KDM7A: variants seen among roughly 807,000 people sequenced by gnomAD.
KDM7A encodes the protein lysine demethylase 7A.
In KDM7A, 28 loss-of-function variants were observed where a neutral mutation model predicts 114.8. The observed-to-expected ratio is 0.24, with a 90% confidence interval of 0.18 to 0.33. KDM7A has a LOEUF of 0.33. KDM7A is among the 10% of genes least tolerant of loss of function. KDM7A has a pLI of 1.00. For missense variants in KDM7A, 942 were observed against 1,142.5 expected (o/e 0.82, Z 2.53); for synonymous variants, 423 against 397.8 (o/e 1.06, Z -0.75).
intron 1 of KDM7A, among the ~76,000 whole-genome samples, chr7:140,142,951 G>A (rs1448831254): frequency 6.6e-6 from 1 of 151,794 alleles, no homozygotes; most frequent in Admixed American, 6.6e-5. Context: ...GTTAATCAAG[G>A]CGGGCGGATC....
At chr7:140,132,682 G>T (rs895499054) in intron 3 of KDM7A, among the ~76,000 whole-genome samples, 5 of 152,204 alleles carry the variant, frequency 3.3e-5, no homozygotes, top group African/African-American at 9.6e-5. Context: ...TTAAATATGT[G>T]TTCTTTCTGT....
chr7:140,157,996 AATAAT>A (rs533418022), intron 1 of KDM7A, among the ~76,000 whole-genome samples: 603 of 67,480 alleles, frequency 8.9e-3, no homozygotes, highest in African/African-American at 0.041. Flanking sequence ...ATAAATAAAT[AATAAT>A]AATAATAATA....
chr7:140,106,774 G>A (rs1818344251), intron 11 of KDM7A, among the ~76,000 whole-genome samples: 1 of 152,194 alleles, frequency 6.6e-6, no homozygotes, highest in African/African-American at 2.4e-5. Context: ...TTGATTTGGG[G>A]TGGAGAGTTC....
At chr7:140,102,624 C>T (rs759413424) in intron 11 of KDM7A, among the ~76,000 whole-genome samples, 1 of 152,152 alleles carries the variant, frequency 6.6e-6, no homozygotes, top group South Asian at 2.1e-4. Context: ...CCACCTGCTT[C>T]GGCCTCCCAA....
Position 140,098,785 on chromosome 7 carries a change from T to A in KDM7A, c.1918+94A>T, listed in dbSNP as rs1238143332. On this transcript the variant is annotated intron_variant, in intron 14 of 19. Coordinates refer to ENST00000397560, the MANE Select transcript of KDM7A (RefSeq NM_030647.2). ...TAGGGACACAAAAGTTTTCTGCTAT[T>A]TTAAACTTAAGAACTTCAAAATTAG... 5.3e-6 allele frequency: 6 copies of A among 1,141,082 alleles called. No individual in the cohort carries two copies. In the South Asian group the frequency reaches 6.9e-5, roughly 13 times the overall value. The allele number at this position is 1,141,082 out of a possible 1,614,324, so 70.7% of individuals were successfully genotyped here.
chr7:140,110,664 C>T (rs1272999355), intron 11 of KDM7A, among the ~76,000 whole-genome samples: 1 of 152,048 alleles, frequency 6.6e-6, no homozygotes, highest in Non-Finnish European at 1.5e-5. Flanking sequence ...AGGGCATTTA[C>T]CTAAGCATCT....
chr7:140,149,181 G>C (rs1794373186), intron 1 of KDM7A, among the ~76,000 whole-genome samples: 1 of 152,292 alleles, frequency 6.6e-6, no homozygotes, highest in African/African-American at 2.4e-5. Flanking sequence ...GAAGAGCCAA[G>C]ATGTGCACTC....
Position 140,129,476 on chromosome 7 carries a change from A to G in KDM7A, c.559+17T>C, listed in dbSNP as rs556332906. ...TTACCATGTTTTCCCAGGTACTTAA[A>G]GAAATAAAGTTCGTACCTACATAAC... is the stretch of plus-strand genomic sequence containing the variant. On this transcript the variant is annotated intron_variant, in intron 4 of 19. Transcript: ENST00000397560. 4 of 1,598,356 alleles carry G rather than the reference A, an allele frequency of 2.5e-6. No individual in the cohort carries two copies. The South Asian group carries it at 4.5e-5, about 18-fold the overall frequency.
At chr7:140,169,318 C>G (rs540280943) in intron 1 of KDM7A, among the ~76,000 whole-genome samples, 2 of 152,268 alleles carry the variant, frequency 1.3e-5, no homozygotes, top group East Asian at 3.9e-4. Context: ...CAAATTATCT[C>G]AAAATTTAAA....
At chr7:140,104,051 C>G (rs1444700060) in intron 11 of KDM7A, among the ~76,000 whole-genome samples, 1 of 152,206 alleles carries the variant, frequency 6.6e-6, no homozygotes, top group East Asian at 1.9e-4. Flanking sequence ...TTGCGTTTCT[C>G]TGATGGCCAG....
chr7:140,176,350 C>CGGCGG lies in KDM7A; in HGVS notation c.194+389_194+393dup, dbSNP rs965303722. Among the ~76,000 whole-genome samples the CGGCGG allele has an allele frequency of 2.2e-4, 31 of 139,744 alleles. No individual in the cohort carries two copies. Among genetic ancestry groups the CGGCGG allele is most frequent in the Middle Eastern group, 3.6e-3 (1 of 274 alleles). The allele number at this position is 139,744 out of a possible 152,430, so 91.7% of individuals were successfully genotyped here. On this transcript the variant is annotated intron_variant, in intron 1 of 19. Transcript: ENST00000397560. This position sits in a 1 kb window ranked among gnomAD's most constrained non-coding sequence, Gnocchi z 4.4. The stretch of plus-strand genomic sequence containing the variant: ...GCGACTCCGGCCGGAGCCCCGGGCG[C>CGGCGG]GGCGGGGCGGGGCGGGGCGGCGGCG...
At chr7:140,124,444 C>A (rs961189326) in intron 7 of KDM7A, among the ~76,000 whole-genome samples, 177 bp downstream of exon 7, 1 of 152,112 alleles carries the variant, frequency 6.6e-6, no homozygotes, top group African/African-American at 2.4e-5. Context: ...AAAAGAAGTC[C>A]TAACTAGAAG....
intron 2 of KDM7A, among the ~76,000 whole-genome samples, chr7:140,136,981 C>T (rs1195719011): frequency 4.0e-5 from 6 of 149,090 alleles, no homozygotes; most frequent in African/African-American, 7.5e-5. Context: ...CACAAGACTC[C>T]GTCTCAAAAA....
At chr7:140,167,356 C>CA (rs1371680866) in intron 1 of KDM7A, among the ~76,000 whole-genome samples, 1 of 152,092 alleles carries the variant, frequency 6.6e-6, no homozygotes, top group Non-Finnish European at 1.5e-5. Flanking sequence ...CACCATACTA[C>CA]AAAAGCCTCT....
At chr7:140,168,966 T>C (rs1794608373) in intron 1 of KDM7A, among the ~76,000 whole-genome samples, 1 of 152,176 alleles carries the variant, frequency 6.6e-6, no homozygotes, top group Non-Finnish European at 1.5e-5. Flanking sequence ...AACTTACAGT[T>C]CGTAATATAT....
intron 1 of KDM7A, among the ~76,000 whole-genome samples, chr7:140,166,016 A>G (rs1381273938): frequency 6.6e-6 from 1 of 152,188 alleles, no homozygotes; most frequent in Non-Finnish European, 1.5e-5. Flanking sequence ...GTAATGTTCT[A>G]TTTTATTCAG....
At chr7:140,100,659 G>A (rs1224060097) in intron 12 of KDM7A, among the ~76,000 whole-genome samples, 2 of 72,434 alleles carry the variant, frequency 2.8e-5, no homozygotes, top group African/African-American at 9.0e-5. Flanking sequence ...ATTTTAAAAA[G>A]TTATATATAT....
At chr7:140,143,593 A>G (rs1794309452) in intron 1 of KDM7A, among the ~76,000 whole-genome samples, 2 of 152,238 alleles carry the variant, frequency 1.3e-5, no homozygotes, top group African/African-American at 4.8e-5. Flanking sequence ...GAAATGTATT[A>G]ATCTAATAAC....
At chr7:140,140,898 A>C (rs1344401398) in intron 1 of KDM7A, among the ~76,000 whole-genome samples, 1 of 152,176 alleles carries the variant, frequency 6.6e-6, no homozygotes, top group Non-Finnish European at 1.5e-5. Flanking sequence ...TGTCATCTGC[A>C]AGTGCTATGG....
Sources: allele counts gnomAD v4.1 joint callset (sites outside exome capture counted in the v4.1 genomes callset), GRCh38; gene constraint gnomAD v4.1.1; non-coding constraint Gnocchi (gnomAD v3.1); transcripts MANE v1.5; gene names NCBI Gene and HGNC (gene_info 2026-07-23, HGNC 2026-07-21).